CHD1: variants seen among roughly 807,000 people sequenced by gnomAD.
CHD1 encodes ATP-dependent chromatin remodeler CHD1.
A neutral mutation model predicts 224.2 loss-of-function variants in CHD1; 36 were observed. That is an observed-to-expected ratio of 0.16 (90% CI 0.12 to 0.21). CHD1 has a LOEUF of 0.21. Among genes scored for constraint, CHD1 ranks in the 10% least tolerant of loss-of-function variants. The pLI, the probability that CHD1 is intolerant of heterozygous loss-of-function variation, is 1.00. For missense variants in CHD1, 1,378 were observed against 1,994.8 expected (o/e 0.69, Z 5.89); for synonymous variants, 668 against 658.3 (o/e 1.01, Z -0.23).
At chr5:98,899,339 T>C (rs1363682352) in intron 8 of CHD1, 141 bp downstream of exon 8, 9 of 605,908 alleles carry the variant, frequency 1.5e-5, no homozygotes, top group Non-Finnish European at 2.5e-5. Context: ...AGAGAAGCTG[T>C]GGACAAAGAC....
chr5:98,881,255 T>A (rs1046317498), intron 21 of CHD1, 24 bp downstream of exon 21: 2 of 396,084 alleles, frequency 5.0e-6, no homozygotes, highest in Non-Finnish European at 7.2e-6. Flanking sequence ...GGCAGGCCTT[T>A]TTTTTTTTTT....
chr5:98,881,219 T>A, intron 21 of CHD1, 48 bp from the exon 22 acceptor site: 3 of 1,380,318 alleles, frequency 2.2e-6, no homozygotes, highest in Non-Finnish European at 2.0e-6. Flanking sequence ...CCTTTCATCC[T>A]GTCAAATATA....
intron 2 of CHD1, among the ~76,000 whole-genome samples, chr5:98,919,643 G>A (rs532812178): frequency 1.1e-3 from 173 of 152,310 alleles, no homozygotes; most frequent in Non-Finnish European, 2.0e-3. Context: ...GAGTAAGGAA[G>A]TTACAAAGCA....
At chr5:98,873,788 G>A in intron 25 of CHD1, 65 bp from the exon 26 acceptor site, 2 of 1,444,374 alleles carry the variant, frequency 1.4e-6, no homozygotes, top group South Asian at 2.6e-5. Flanking sequence ...TTAAGATTAA[G>A]TTTCACTCTA....
intron 2 of CHD1, among the ~76,000 whole-genome samples, chr5:98,906,313 T>C (rs1188372297): frequency 6.6e-6 from 1 of 152,194 alleles, no homozygotes; most frequent in African/African-American, 2.4e-5. Flanking sequence ...ATTTTTGCCA[T>C]CATGTCTCCT....
chr5:98,913,049 A>G (rs1316424112), intron 2 of CHD1, among the ~76,000 whole-genome samples: 1 of 152,226 alleles, frequency 6.6e-6, no homozygotes, highest in African/African-American at 2.4e-5. Context: ...TGCTTGACAA[A>G]GAGAGCTATA....
At position 98,869,796 on chromosome 5, in the gene CHD1, A is replaced by G; in HGVS notation, c.4065T>C (p.Ser1355=). The G allele has an allele frequency of 6.2e-7, 1 of 1,613,096 alleles. No individual in the cohort carries two copies. The highest frequency in any genetic ancestry group is 8.5e-7 in the Non-Finnish European group (1 of 1,179,158). The change falls in exon 30 of 36, where the codon TCT becomes TCC. Residue 1355 remains serine (S), a synonymous_variant. Transcript: ENST00000614616. The part of the protein sequence containing the change: ...IKVKEEIKSD[S]SPLPSEKSDE... ...CAGACTTCTCTGAAGGCAGAGGAGA[A>G]GAATCACTCTTTATTTCCTCTTTCA...
intron 30 of CHD1, 91 bp downstream of exon 30, chr5:98,869,663 C>T: frequency 7.7e-6 from 10 of 1,307,008 alleles, no homozygotes; most frequent in Non-Finnish European, 1.1e-5. Flanking sequence ...GACTTCGGTA[C>T]CTAAAATATA....
chr5:98,911,960 T>A lies in CHD1; in HGVS notation c.54-6862A>T, dbSNP rs559981875. On this transcript the variant is annotated intron_variant, in intron 2 of 35. Coordinates refer to ENST00000614616, the MANE Select transcript of CHD1 (RefSeq NM_001270.4). ...GAATTTAAGTACTCTTAAATCAGTG[T>A]AAATTTTCCTGAACTTAATAAACAA... Among the ~76,000 whole-genome samples, 6 of 152,208 alleles carry A rather than the reference T, an allele frequency of 3.9e-5. 1 individual carries two copies. The highest frequency in any genetic ancestry group is 8.8e-5 in the Non-Finnish European group (6 of 68,022).
intron 22 of CHD1, 90 bp downstream of exon 22, chr5:98,880,986 T>C: frequency 2.6e-6 from 2 of 779,110 alleles, no homozygotes; most frequent in Non-Finnish European, 2.2e-6. Flanking sequence ...TTCCTGATTA[T>C]GCTTAAAGAA....
chr5:98,880,952 T>A, intron 22 of CHD1, 124 bp downstream of exon 22: 1 of 678,882 alleles, frequency 1.5e-6, no homozygotes, highest in Non-Finnish European at 2.6e-6. Flanking sequence ...CAAGAGAGAG[T>A]AGTTTTTACA....
chr5:98,872,561 T>G lies in CHD1; in HGVS notation c.3572-6A>C. 1 of 1,608,708 alleles carries G rather than the reference T, an allele frequency of 6.2e-7. No homozygotes were observed. Among genetic ancestry groups the G allele is most frequent in the Non-Finnish European group, 8.5e-7 (1 of 1,177,292 alleles). ...CACTTTTCCGAGTCTACCACCTTGA[T>G]TTTTTTTAAAAAAACCAGTATTTTT... On this transcript the variant is annotated splice_region_variant and splice_polypyrimidine_tract_variant and intron_variant, in intron 26 of 35. Coordinates refer to ENST00000614616, the MANE Select transcript of CHD1 (RefSeq NM_001270.4).
At chr5:98,917,480 A>C (rs1752812912) in intron 2 of CHD1, among the ~76,000 whole-genome samples, 1 of 152,140 alleles carries the variant, frequency 6.6e-6, no homozygotes, top group Non-Finnish European at 1.5e-5. Context: ...GCTTTAAAGG[A>C]ACTCAAATTT....
At chr5:98,878,073 G>A (rs374484139) in intron 23 of CHD1, among the ~76,000 whole-genome samples, 1 of 152,180 alleles carries the variant, frequency 6.6e-6, no homozygotes, top group African/African-American at 2.4e-5. Context: ...CAGGTAAGAG[G>A]AGATCAGCTA....
chr5:98,911,140 A>ATATATAT (rs1471528392), intron 2 of CHD1, among the ~76,000 whole-genome samples: 1 of 83,210 alleles, frequency 1.2e-5, no homozygotes, highest in African/African-American at 5.9e-5. Context: ...GAAAAAAAAA[A>ATATATAT]AAAAAAATAT....
intron 31 of CHD1, among the ~76,000 whole-genome samples, chr5:98,866,136 A>C (rs570101199): frequency 5.3e-5 from 8 of 152,174 alleles, no homozygotes; most frequent in Admixed American, 3.9e-4. Context: ...CAAAAAACAA[A>C]AACAAAAACG....
chr5:98,876,451 T>C lies in CHD1; in HGVS notation c.3345A>G (p.Pro1115=). 6.2e-7 allele frequency: 1 copy of C among 1,614,164 alleles called. No individual in the cohort carries two copies. The highest frequency in any genetic ancestry group is 8.5e-7 in the Non-Finnish European group (1 of 1,179,994). Residue 1115 remains proline (P), a synonymous_variant, in exon 24 of 36, where the codon CCA becomes CCG. Transcript: ENST00000614616. ...EGKRPKKRGR[P]RTIPRENIKG... ...TAATATTCTCCCGAGGAATAGTCCGTGGTCTTCCACGTTTCTTTGGCCTTT... is the reference window on the plus strand; with the variant it reads ...TAATATTCTCCCGAGGAATAGTCCGCGGTCTTCCACGTTTCTTTGGCCTTT...
chr5:98,920,035 A>C (rs1031423130), intron 2 of CHD1, among the ~76,000 whole-genome samples: 3 of 151,902 alleles, frequency 2.0e-5, no homozygotes, highest in Admixed American at 1.3e-4. Flanking sequence ...GGCTAGATCA[A>C]TTTAAGTAAC....
chr5:98,924,447 T>C (rs1034859575), intron 2 of CHD1, among the ~76,000 whole-genome samples: 4 of 152,216 alleles, frequency 2.6e-5, no homozygotes, highest in Admixed American at 2.0e-4. Flanking sequence ...TTGTAATTAA[T>C]TAAAATGAAA....
Sources: allele counts gnomAD v4.1 joint callset (sites outside exome capture counted in the v4.1 genomes callset), GRCh38; gene constraint gnomAD v4.1.1; transcripts MANE v1.5; gene names NCBI Gene and HGNC (gene_info 2026-07-23, HGNC 2026-07-21).